PPP4R3B: variants seen among roughly 807,000 people sequenced by gnomAD.
PPP4R3B encodes the protein serine/threonine-protein phosphatase 4 regulatory subunit 3B.
A neutral mutation model predicts 95.4 loss-of-function variants in PPP4R3B; 52 were observed. The observed-to-expected ratio is 0.54, with a 90% CI of 0.44 to 0.69. PPP4R3B has a LOEUF of 0.69. Among genes scored for constraint, PPP4R3B ranks in the 30% least tolerant of loss-of-function variants. The pLI is 0.00. For synonymous variants in PPP4R3B, 407 were observed against 343.9 expected, an observed-to-expected ratio of 1.18 and a Z score of -2.03; for missense variants, 1,003 against 1,005.9, an observed-to-expected ratio of 1.00 and a Z score of 0.04.
At chr2:55,585,631 A>G (rs1690034249) in intron 6 of PPP4R3B, among the ~76,000 whole-genome samples, 1 of 152,138 alleles carries the variant, frequency 6.6e-6, no homozygotes, top group Non-Finnish European at 1.5e-5. Flanking sequence ...CATGCTTTTG[A>G]AAACTCTTTT....
At chr2:55,569,486 C>T (rs1687719298) in intron 12 of PPP4R3B, among the ~76,000 whole-genome samples, 1 of 152,188 alleles carries the variant, frequency 6.6e-6, no homozygotes, top group Admixed American at 6.5e-5. Context: ...ATCCTGTACA[C>T]CTGGCTCTGC....
chr2:55,563,124 G>C (rs1242400358), intron 15 of PPP4R3B, among the ~76,000 whole-genome samples: 1 of 152,194 alleles, frequency 6.6e-6, no homozygotes, highest in Non-Finnish European at 1.5e-5. Flanking sequence ...CCTGTAATGA[G>C]TAAAGGCAGA....
At chr2:55,600,692 C>G (rs74347106) in intron 3 of PPP4R3B, among the ~76,000 whole-genome samples, 3,808 of 151,800 alleles carry the variant, frequency 0.025, 156 homozygotes, top group African/African-American at 0.088. Context: ...CTTTGCTGGG[C>G]TATCAGAGTG....
At chr2:55,600,033 T>C (rs1381463727) in intron 3 of PPP4R3B, among the ~76,000 whole-genome samples, 2 of 152,238 alleles carry the variant, frequency 1.3e-5, no homozygotes, top group Non-Finnish European at 2.9e-5. Flanking sequence ...TTATAATTTA[T>C]TTCTCTCCAA....
At chr2:55,550,922 T>C (rs1017932693) in intron 16 of PPP4R3B, among the ~76,000 whole-genome samples, 9 of 152,200 alleles carry the variant, frequency 5.9e-5, no homozygotes, top group African/African-American at 9.7e-5. Flanking sequence ...TCTGAGAATC[T>C]GTTTCTCAAC....
chr2:55,607,868 C>A (rs980582511), intron 2 of PPP4R3B, among the ~76,000 whole-genome samples: 4 of 152,152 alleles, frequency 2.6e-5, no homozygotes, highest in Non-Finnish European at 4.4e-5. Flanking sequence ...AATCCAAAAC[C>A]CTTTATCCAG....
chr2:55,607,104 A>T (rs1269835807), intron 2 of PPP4R3B, among the ~76,000 whole-genome samples: 1 of 152,230 alleles, frequency 6.6e-6, no homozygotes, highest in African/African-American at 2.4e-5. Flanking sequence ...AATAATTCAC[A>T]AAAGTTGGGT....
chr2:55,560,779 A>G (rs1037455043), intron 15 of PPP4R3B, among the ~76,000 whole-genome samples: 44 of 2,846 alleles, frequency 0.015, no homozygotes, highest in Non-Finnish European at 0.035. Flanking sequence ...TCCATCTCAG[A>G]AAAAAAAAAA....
chr2:55,590,420 A>G (rs1185893429), intron 4 of PPP4R3B, among the ~76,000 whole-genome samples: 1 of 152,130 alleles, frequency 6.6e-6, no homozygotes, highest in African/African-American at 2.4e-5. Context: ...GCTTGCTGAT[A>G]GGTTATGAGT....
At chr2:55,581,259 T>A (rs889128082) in intron 8 of PPP4R3B, among the ~76,000 whole-genome samples, 7 of 152,050 alleles carry the variant, frequency 4.6e-5, no homozygotes, top group South Asian at 4.1e-4. Flanking sequence ...CTCAAAAAAA[T>A]AATAATAATT....
At chr2:55,605,242 CA>C (rs1283136153) in intron 2 of PPP4R3B, among the ~76,000 whole-genome samples, 1 of 151,908 alleles carries the variant, frequency 6.6e-6, no homozygotes, top group Admixed American at 6.6e-5. Context: ...CTTTGATTTT[CA>C]AAAAAATACA....
intron 2 of PPP4R3B, among the ~76,000 whole-genome samples, chr2:55,608,126 T>G (rs1445553282): frequency 1.3e-5 from 2 of 152,166 alleles, no homozygotes; most frequent in South Asian, 4.1e-4. Flanking sequence ...TGCCTCAGCC[T>G]CCTGAGTAGC....
intron 11 of PPP4R3B, among the ~76,000 whole-genome samples, chr2:55,575,225 C>T (rs180752755): frequency 6.6e-6 from 1 of 152,256 alleles, no homozygotes; most frequent in African/African-American, 2.4e-5. Flanking sequence ...CAGGCGTGAG[C>T]CACCACGCCC....
At chr2:55,607,212 C>T (rs1290759098) in intron 2 of PPP4R3B, among the ~76,000 whole-genome samples, 2 of 152,148 alleles carry the variant, frequency 1.3e-5, no homozygotes, top group Admixed American at 1.3e-4. Flanking sequence ...GAGGATTTCT[C>T]CCCACCAATA....
rs1692107542 is a variant in PPP4R3B, at chr2:55,598,468, G to C, written c.869C>G (p.Thr290Ser). 1.2e-6 allele frequency: 2 copies of C among 1,614,110 alleles called. No individual in the cohort carries two copies. The highest frequency in any genetic ancestry group is 8.5e-7 in the Non-Finnish European group (1 of 1,180,014). ...GTTGAAGAAAATAAAAGACGTAAGA[G>C]TAGAAAGAAAATTCTCTTCAAAAAC... Reference protein sequence around the residue: ...PSVFEENFLSTLTSFIFFNKV... With the variant: ...PSVFEENFLSSLTSFIFFNKV... The change falls in exon 4 of 17, where the codon ACT becomes AGT. Residue 290 changes from threonine (T) to serine (S), a missense_variant. By Grantham distance (58) the Thr-to-Ser change is moderately conservative (BLOSUM62 1). Transcript: ENST00000616407.
chr2:55,573,085 T>C (rs538269931), intron 12 of PPP4R3B, among the ~76,000 whole-genome samples: 1 of 152,270 alleles, frequency 6.6e-6, no homozygotes, highest in Non-Finnish European at 1.5e-5. Flanking sequence ...TTTAAGTCCA[T>C]AAAAATAAAG....
rs370408076 is a variant in PPP4R3B at position 55,586,606 on chromosome 2, C to T, written c.1116+12G>A. The T allele has an allele frequency of 6.1e-5, 90 of 1,475,174 alleles. 1 individual carries two copies. The African/African-American group carries it at 7.4e-4, about 12-fold the overall frequency. The allele number at this position is 1,475,174 out of a possible 1,614,324, so 91.4% of individuals were successfully genotyped here. A position where few individuals can be genotyped will look rare whatever the true frequency, so the allele number is the denominator to read the frequency against. The stretch of plus-strand genomic sequence containing the variant: ...ACAATTTCAAAAACATGAAAAGAAA[C>T]GGCATAATTACCATTACAATTTCAA... On this transcript the variant is annotated intron_variant, in intron 6 of 16. Transcript: ENST00000616407.
rs528916074 is a variant in PPP4R3B, at chr2:55,601,583, T to C, written c.297+2395A>G. Reference sequence around the variant, plus strand: ...TTTTAGTAGAGACGGGGTTTCACTGTGTTAGCCAGGATGGTCTTGATTTCC... The same window carrying C: ...TTTTAGTAGAGACGGGGTTTCACTGCGTTAGCCAGGATGGTCTTGATTTCC... On this transcript the variant is annotated intron_variant, in intron 3 of 16. Transcript: ENST00000616407. 1.8e-4 allele frequency among the ~76,000 whole-genome samples: 27 copies of C among 152,194 alleles called. 1 individual carries two copies. Among genetic ancestry groups the C allele is most frequent in the African/African-American group, 5.3e-4 (22 of 41,506 alleles).
rs561762812 is a variant in PPP4R3B, at chr2:55,549,139, A to C, written c.*772T>G. On this transcript the variant is annotated 3_prime_UTR_variant, in exon 17 of 17. Transcript: ENST00000616407. ...AAAAGATTGTACTGGTAGGCGGTTG[A>C]CAACATTCTGTTCGATCTACTTTCA... The C allele has an allele frequency of 6.6e-6, 1 of 152,420 alleles. No individual in the cohort carries two copies. Among genetic ancestry groups the C allele is most frequent in the East Asian group, 1.9e-4 (1 of 5,190 alleles). 9.4% of individuals were successfully genotyped at this position (152,420 alleles called of 1,614,324 possible).
Sources: allele counts gnomAD v4.1 joint callset (sites outside exome capture counted in the v4.1 genomes callset), GRCh38; gene constraint gnomAD v4.1.1; transcripts MANE v1.5; gene names NCBI Gene and HGNC (gene_info 2026-07-23, HGNC 2026-07-21).